Variants in OMA1 observed in about 807,000 individuals in gnomAD.
OMA1 encodes metalloendopeptidase OMA1, mitochondrial.
A neutral mutation model predicts 30.9 loss-of-function variants in OMA1; 38 were observed. The ratio of observed to expected loss-of-function variants is 1.23; its 90% confidence interval spans 0.95 to 1.61. The LOEUF (loss-of-function observed/expected upper bound fraction) is 1.61, where lower values mean the gene tolerates loss of function less well. Among genes scored for constraint, OMA1 ranks in the 40% most tolerant of loss-of-function variants. OMA1 has a pLI of 0.00. For synonymous variants in OMA1, 173 were observed against 121.9 expected, an observed-to-expected ratio of 1.42 and a Z score of -2.76; for missense variants, 461 against 349.2, an observed-to-expected ratio of 1.32 and a Z score of -2.55.
intron 7 of OMA1, among the ~76,000 whole-genome samples, chr1:58,507,064 T>C (rs576879398): frequency 1.6e-3 from 250 of 152,108 alleles, no homozygotes; most frequent in African/African-American, 5.6e-3. Flanking sequence ...TATCTGATAG[T>C]GGAGAGGGAG....
intron 8 of OMA1, among the ~76,000 whole-genome samples, chr1:58,501,229 T>G (rs990724969): frequency 4.6e-5 from 7 of 152,214 alleles, no homozygotes; most frequent in Admixed American, 2.6e-4. Context: ...TATCTTGAAA[T>G]TCACATTTAA....
chr1:58,493,337 T>G (rs1645734158), intron 8 of OMA1, among the ~76,000 whole-genome samples: 1 of 152,178 alleles, frequency 6.6e-6, no homozygotes, highest in African/African-American at 2.4e-5. Flanking sequence ...ATTGGAAGCA[T>G]TCCCTTTGAA....
Position 58,480,802 on chromosome 1 carries a change from T to C in OMA1, c.*163A>G, listed in dbSNP as rs1645466385. On this transcript the variant is annotated 3_prime_UTR_variant, in exon 9 of 9. Coordinates refer to ENST00000371226, the MANE Select transcript of OMA1 (RefSeq NM_145243.5). ...TAGATTAAAATACATCAATATTTCATGAAAAATAAATTCTAGAAGAATTTA... is the reference window on the plus strand; with the variant it reads ...TAGATTAAAATACATCAATATTTCACGAAAAATAAATTCTAGAAGAATTTA... The C allele has an allele frequency of 5.8e-6, 3 of 516,196 alleles. No homozygotes were observed. In the Admixed American group the frequency reaches 1.2e-4, roughly 20 times the overall value. 32.0% of individuals were successfully genotyped at this position (516,196 alleles called of 1,614,324 possible).
chr1:58,492,409 T>G (rs1645713076), intron 8 of OMA1, among the ~76,000 whole-genome samples: 1 of 147,556 alleles, frequency 6.8e-6, no homozygotes, highest in African/African-American at 2.5e-5. Context: ...AGAAAATAAC[T>G]AAGATCAGAG....
At chr1:58,496,716 A>AT (rs1645809265) in intron 8 of OMA1, among the ~76,000 whole-genome samples, 1 of 152,000 alleles carries the variant, frequency 6.6e-6, no homozygotes, top group Non-Finnish European at 1.5e-5. Context: ...TACCGTTCTG[A>AT]TTTTTTAAAA....
Position 58,489,032 on chromosome 1 carries a change from C to T in OMA1, c.1366-7858G>A, listed in dbSNP as rs186193137. Among the ~76,000 whole-genome samples the T allele has an allele frequency of 3.7e-3, 567 of 152,308 alleles. 2 individuals carry two copies. The highest frequency in any genetic ancestry group is 9.6e-3 in the African/African-American group (400 of 41,578). On this transcript the variant is annotated intron_variant, in intron 8 of 8. Coordinates refer to ENST00000371226, the MANE Select transcript of OMA1 (RefSeq NM_145243.5). ...CAGCGTCAGCGACGCAGAAGACGAA[C>T]GATTTCTCCATTTCCAACTGAGGTA... is the stretch of plus-strand genomic sequence containing the variant.
chr1:58,499,994 G>A (rs886596976), intron 8 of OMA1, among the ~76,000 whole-genome samples: 1 of 152,078 alleles, frequency 6.6e-6, no homozygotes, highest in Non-Finnish European at 1.5e-5. Context: ...ATTAATGCCA[G>A]AGAGTCTTCA....
chr1:58,541,614 C>CAAAAAAAAAAGAAAAAAAAAAA (rs1646617341), intron 1 of OMA1: 1 of 65,622 alleles, frequency 1.5e-5, no homozygotes, highest in Non-Finnish European at 2.7e-5. Flanking sequence ...GAGAACCTGT[C>CAAAAAAAAAAGAAAAAAAAAAA]AAAAAAAAAA....
Sources: gnomAD v4.1 joint callset for allele counts (sites outside exome capture counted in the v4.1 genomes callset) on GRCh38, gnomAD v4.1.1 for gene constraint, MANE v1.5 for transcripts, NCBI Gene and HGNC (gene_info 2026-07-23, HGNC 2026-07-21) for gene names.